Variants in SYN3 observed in about 807,000 individuals in gnomAD.
SYN3 encodes the protein synapsin III.
SYN3 carries 35 observed loss-of-function variants against 65.8 expected under a neutral mutation model. That is an observed-to-expected ratio of 0.53 (90% confidence interval 0.41 to 0.70). The LOEUF (loss-of-function observed/expected upper bound fraction) is 0.70. Ranked by LOEUF, SYN3 falls within the 30% of genes least tolerant of loss-of-function variation. The pLI is 0.00. For missense variants in SYN3, 680 were observed against 749.0 expected, an observed-to-expected ratio of 0.91 and a Z score of 1.08; for synonymous variants, 270 against 292.9, an observed-to-expected ratio of 0.92 and a Z score of 0.80.
rs78926300 is a variant in SYN3 at position 32,616,453 on chromosome 22, T to G, written c.712-19717A>C. Among the ~76,000 whole-genome samples the G allele has an allele frequency of 4.0e-3, 613 of 152,288 alleles. 3 individuals are homozygous for G. The highest frequency in any genetic ancestry group is 0.017 in the South Asian group (83 of 4,822). On this transcript the variant is annotated intron_variant, in intron 6 of 13. Transcript: ENST00000358763. ...ATGAAGGTCACAATTGTTCAGTGTCTCCTTGTGGCAGTCGGGCCACAGTAG... is the reference window on the plus strand; with the variant it reads ...ATGAAGGTCACAATTGTTCAGTGTCGCCTTGTGGCAGTCGGGCCACAGTAG...
At chr22:32,569,804 C>G (rs1013239747) in intron 7 of SYN3, among the ~76,000 whole-genome samples, 1 of 152,100 alleles carries the variant, frequency 6.6e-6, no homozygotes, top group Non-Finnish European at 1.5e-5. Flanking sequence ...ACCTGCTTCA[C>G]AGAGTTACTG....
At chr22:32,524,721 T>C (rs551093289) in intron 12 of SYN3, among the ~76,000 whole-genome samples, 3 of 152,326 alleles carry the variant, frequency 2.0e-5, no homozygotes, top group Non-Finnish European at 2.9e-5. Flanking sequence ...ATTTTAAAAA[T>C]ACATTTTGGC....
intron 6 of SYN3, among the ~76,000 whole-genome samples, chr22:32,739,634 T>G (rs142690280): frequency 6.6e-6 from 1 of 152,160 alleles, no homozygotes; most frequent in African/African-American, 2.4e-5. Flanking sequence ...GGTTGAGAAT[T>G]AGCTGCTTCC....
chr22:32,528,281 T>C (rs2146136304), intron 11 of SYN3, among the ~76,000 whole-genome samples: 1 of 152,298 alleles, frequency 6.6e-6, no homozygotes, highest in Middle Eastern at 3.4e-3. Context: ...ACGATTCTGA[T>C]GTTTGTTATC....
intron 10 of SYN3, among the ~76,000 whole-genome samples, chr22:32,530,913 G>A (rs1006661480): frequency 1.3e-5 from 2 of 151,920 alleles, no homozygotes; most frequent in East Asian, 3.9e-4. Context: ...GGCTGAGGCA[G>A]GAGAATCGCT....
intron 7 of SYN3, among the ~76,000 whole-genome samples, chr22:32,592,823 C>A (rs1225696778): frequency 6.6e-6 from 1 of 152,214 alleles, no homozygotes; most frequent in Non-Finnish European, 1.5e-5. Flanking sequence ...GACTATCTCT[C>A]CAATTCCTTG....
At chr22:32,615,432 T>TAAAAAAAAAAAAAAAAAAAAAAA in intron 6 of SYN3, among the ~76,000 whole-genome samples, 1 of 74,416 alleles carries the variant, frequency 1.3e-5, no homozygotes, top group Non-Finnish European at 2.3e-5. Context: ...AGACTTCATC[T>TAAAAAAAAAAAAAAAAAAAAAAA]AAAAAAAAAA....
In SYN3 at chr22:32,541,802, C is replaced by A. The variant is rs1346794499; in HGVS notation, c.775-89G>T. The A allele has an allele frequency of 8.9e-6, 13 of 1,459,260 alleles. No homozygotes were observed. The South Asian group carries it at 1.6e-4, about 18-fold the overall frequency. 90.4% of individuals were successfully genotyped at this position (1,459,260 alleles called of 1,614,324 possible). ...CAGGAACAAGTGCTCTGTCTATAGA[C>A]ACGAATTCCCTTCAGAAGGTCACCT... is the stretch of plus-strand genomic sequence containing the variant. On this transcript the variant is annotated intron_variant, in intron 7 of 13. Transcript: ENST00000358763.
chr22:33,008,924 C>CAAAAA (rs201719238), intron 1 of SYN3, among the ~76,000 whole-genome samples: 85 of 57,032 alleles, frequency 1.5e-3, no homozygotes, highest in Non-Finnish European at 2.0e-3. Flanking sequence ...GACTTTATCT[C>CAAAAA]AAAAAAAAAA....
intron 6 of SYN3, among the ~76,000 whole-genome samples, chr22:32,718,828 T>G (rs1239814911): frequency 1.3e-5 from 2 of 152,150 alleles, no homozygotes; most frequent in African/African-American, 2.4e-5. Flanking sequence ...CTCCCACAAC[T>G]CCACATGACT....
At chr22:32,566,043 A>G (rs889913203) in intron 7 of SYN3, among the ~76,000 whole-genome samples, 3 of 152,000 alleles carry the variant, frequency 2.0e-5, no homozygotes, top group Non-Finnish European at 2.9e-5. Flanking sequence ...GGGTCTTGCT[A>G]TGTTGCTGAG....
At chr22:33,004,836 C>T (rs1000549432) in intron 2 of SYN3, among the ~76,000 whole-genome samples, 6 of 152,002 alleles carry the variant, frequency 3.9e-5, no homozygotes, top group African/African-American at 1.5e-4. Flanking sequence ...TGGGAGGGGC[C>T]AGGGGTGGAA....
At position 33,006,870 on chromosome 22, in the gene SYN3, C is replaced by G. The variant is rs1037276134; in HGVS notation, c.-162-46G>C. The G allele has an allele frequency of 8.3e-6, 4 of 483,624 alleles. No homozygotes were observed. The Admixed American group carries it at 1.0e-4, about 12-fold the overall frequency. 30.0% of individuals were successfully genotyped at this position (483,624 alleles called of 1,614,324 possible). A position where few individuals can be genotyped will look rare whatever the true frequency, so the allele number is the denominator to read the frequency against. On this transcript the variant is annotated intron_variant, in intron 1 of 13. Coordinates refer to ENST00000358763, the MANE Select transcript of SYN3 (RefSeq NM_003490.4). ...ACATAAGTGGAAACGACCTCCACCC[C>G]CTTAAGAGCAAACAGATACAGCGCT...
intron 6 of SYN3, among the ~76,000 whole-genome samples, chr22:32,768,496 C>T (rs2045684591): frequency 6.6e-6 from 1 of 152,120 alleles, no homozygotes; most frequent in African/African-American, 2.4e-5. Context: ...ATGATTCTAC[C>T]TTTATCCCAG....
At chr22:32,598,252 C>T (rs1472086759) in intron 6 of SYN3, among the ~76,000 whole-genome samples, 2 of 152,164 alleles carry the variant, frequency 1.3e-5, no homozygotes, top group African/African-American at 2.4e-5. Context: ...TGCAGAAGGC[C>T]GCCTGTGCAT....
At chr22:32,745,328 C>T (rs2044897630) in intron 6 of SYN3, among the ~76,000 whole-genome samples, 1 of 152,228 alleles carries the variant, frequency 6.6e-6, no homozygotes, top group African/African-American at 2.4e-5. Context: ...TCTTTCCTGC[C>T]AGCTGCTTCA....
chr22:32,593,737 T>C (rs1304464704), intron 7 of SYN3, among the ~76,000 whole-genome samples: 1 of 152,108 alleles, frequency 6.6e-6, no homozygotes, highest in African/African-American at 2.4e-5. Flanking sequence ...AAGAGCCTGA[T>C]GCTCTGGGAA....
At chr22:33,015,840 C>T (rs1012691388) in intron 1 of SYN3, among the ~76,000 whole-genome samples, 26 of 139,968 alleles carry the variant, frequency 1.9e-4, no homozygotes, top group Admixed American at 3.6e-4. Flanking sequence ...GGCAAATTTT[C>T]TTTTCTTTTT....
At chr22:32,811,892 G>A (rs1215030542) in intron 6 of SYN3, among the ~76,000 whole-genome samples, 1 of 152,170 alleles carries the variant, frequency 6.6e-6, no homozygotes, top group South Asian at 2.1e-4. Context: ...AAGTCACTAG[G>A]GTAGCCAAAG....
Sources: gnomAD v4.1 joint callset for allele counts (sites outside exome capture counted in the v4.1 genomes callset) on GRCh38, gnomAD v4.1.1 for gene constraint, MANE v1.5 for transcripts, NCBI Gene and HGNC (gene_info 2026-07-23, HGNC 2026-07-21) for gene names.